UBR7: variants seen among roughly 807,000 people sequenced by gnomAD.
The protein encoded by UBR7 is putative E3 ubiquitin-protein ligase UBR7.
UBR7 carries 22 observed loss-of-function variants against 57.0 expected under a neutral mutation model. The ratio of observed to expected loss-of-function variants is 0.39; its 90% CI spans 0.28 to 0.55. The LOEUF (loss-of-function observed/expected upper bound fraction) is 0.55. Ranked by LOEUF, UBR7 falls within the 20% of genes least tolerant of loss-of-function variation. The pLI is 0.69. For missense variants in UBR7, 395 were observed against 513.2 expected (o/e 0.77, Z 2.23); for synonymous variants, 167 against 179.8 (o/e 0.93, Z 0.57).
intron 1 of UBR7, among the ~76,000 whole-genome samples, chr14:93,208,942 C>T (rs1206169867): frequency 7.9e-5 from 12 of 152,038 alleles, no homozygotes; most frequent in South Asian, 2.1e-4. Flanking sequence ...GGATAACAGG[C>T]GCCCGCCATC....
intron 10 of UBR7, among the ~76,000 whole-genome samples, chr14:93,223,429 G>A (rs75647328): frequency 0.023 from 3,447 of 151,282 alleles, 152 homozygotes; most frequent in African/African-American, 0.08. Flanking sequence ...TGGGCATGGC[G>A]GCTTGTACCT....
intron 1 of UBR7, among the ~76,000 whole-genome samples, chr14:93,208,346 A>C (rs1056299263): frequency 6.6e-6 from 1 of 152,028 alleles, no homozygotes; most frequent in Non-Finnish European, 1.5e-5. Flanking sequence ...CTCGTTGTTG[A>C]CCAAGGTTAG....
intron 7 of UBR7, 58 bp from the exon 8 acceptor site, chr14:93,219,154 A>G (rs1460217198): frequency 6.3e-7 from 1 of 1,578,044 alleles, no homozygotes; most frequent in Non-Finnish European, 8.7e-7. Context: ...TACAAAATCT[A>G]AACTATGAAA....
chr14:93,210,770 G>T (rs1299537691), intron 3 of UBR7, 62 bp downstream of exon 3: 1 of 1,420,110 alleles, frequency 7.0e-7, no homozygotes, highest in Non-Finnish European at 9.8e-7. Context: ...TTGCCAGAGT[G>T]GGTAAAAAAA....
chr14:93,217,208 G>A (rs926327826), intron 6 of UBR7, among the ~76,000 whole-genome samples: 4 of 151,462 alleles, frequency 2.6e-5, no homozygotes, highest in Non-Finnish European at 5.9e-5. Flanking sequence ...TCTATTTTTA[G>A]TAGAGAAGGG....
In UBR7 at chr14:93,222,201, T is replaced by A. The variant is rs1894723084; in HGVS notation, c.1124-112T>A. The A allele has an allele frequency of 3.9e-6, 3 of 770,308 alleles. No homozygotes were observed. In the African/African-American group the frequency reaches 5.2e-5, roughly 13 times the overall value. 47.7% of individuals were successfully genotyped at this position (770,308 alleles called of 1,614,324 possible). ...TCTATGCAGCTTTCACTTAAGAAAA[T>A]TTTTATTTAGACTACATTATTAACA... On this transcript the variant is annotated intron_variant, in intron 9 of 10. Transcript: ENST00000013070.
intron 1 of UBR7, among the ~76,000 whole-genome samples, chr14:93,208,799 C>CT (rs1001766635): frequency 4.0e-5 from 6 of 151,502 alleles, no homozygotes; most frequent in Non-Finnish European, 7.4e-5. Context: ...TACATATTCA[C>CT]TTTTTTTTTC....
rs1377065843 is a variant in UBR7 at position 93,227,841 on chromosome 14, A to G, written c.*806A>G. ...TACTAGTCCCTTCTCTGCTGCCTAG[A>G]AAACAGACCGGGTCTCACCCCTGTG... On this transcript the variant is annotated 3_prime_UTR_variant, in exon 11 of 11. Transcript: ENST00000013070. 1 of 700,830 alleles carries G rather than the reference A, an allele frequency of 1.4e-6. No homozygotes were observed. The highest frequency in any genetic ancestry group is 1.5e-5 in the South Asian group (1 of 67,498). 43.4% of individuals were successfully genotyped at this position (700,830 alleles called of 1,614,324 possible).
intron 10 of UBR7, among the ~76,000 whole-genome samples, chr14:93,222,878 A>G (rs1894739164): frequency 6.6e-6 from 1 of 152,058 alleles, no homozygotes; most frequent in Non-Finnish European, 1.5e-5. Flanking sequence ...GTCCTTACCA[A>G]CCCCAGCTAA....
In UBR7 at chr14:93,228,213, A is replaced by C. The variant is rs1399949597; in HGVS notation, c.*1178A>C. ...TCTTTTTTTTGAAGATCCTCATGGA[A>C]GGTTGTACAGAGCCCCACATTTGAG... On this transcript the variant is annotated 3_prime_UTR_variant, in exon 11 of 11. Transcript: ENST00000013070. 4 of 497,878 alleles carry C rather than the reference A, an allele frequency of 8.0e-6. No homozygotes were observed. Among genetic ancestry groups the C allele is most frequent in the African/African-American group, 7.7e-5 (4 of 52,012 alleles). The allele number at this position is 497,878 out of a possible 1,614,324, so 30.8% of individuals were successfully genotyped here. A position where few individuals can be genotyped will look rare whatever the true frequency, so the allele number is the denominator to read the frequency against.
intron 10 of UBR7, 39 bp from the exon 11 acceptor site, chr14:93,226,904 A>C (rs1207600253): frequency 6.8e-7 from 1 of 1,463,698 alleles, no homozygotes. Flanking sequence ...CGATTCTGTT[A>C]CTTAGTTCTC....
chr14:93,216,049 T>TG (rs1894584137), intron 6 of UBR7, among the ~76,000 whole-genome samples: 1 of 152,168 alleles, frequency 6.6e-6, no homozygotes, highest in Non-Finnish European at 1.5e-5. Flanking sequence ...AGTCAGTGTT[T>TG]GGTTGAGGGC....
intron 10 of UBR7, among the ~76,000 whole-genome samples, chr14:93,226,274 C>T (rs1186083690): frequency 2.0e-5 from 3 of 152,184 alleles, no homozygotes; most frequent in Non-Finnish European, 4.4e-5. Flanking sequence ...CATTCACGTG[C>T]TCTATTTTTC....
Position 93,223,794 on chromosome 14 carries a change from C to G in UBR7, c.1185+1420C>G. 21 of 741,388 alleles carry G rather than the reference C, an allele frequency of 2.8e-5. 1 individual carries two copies. Among genetic ancestry groups the G allele is most frequent in the South Asian group, 2.8e-4 (20 of 71,270 alleles). The allele number at this position is 741,388 out of a possible 1,614,324, so 45.9% of individuals were successfully genotyped here. On this transcript the variant is annotated intron_variant, in intron 10 of 10. Coordinates refer to ENST00000013070, the MANE Select transcript of UBR7 (RefSeq NM_175748.4). ...GGGCCCAGGTGCGGTGCCAGGCGCC[C>G]ATAGACCTCTCGGTAGCACTGGGTA... is the stretch of plus-strand genomic sequence containing the variant.
chr14:93,226,464 G>A (rs1047450276), intron 10 of UBR7, among the ~76,000 whole-genome samples: 8 of 152,058 alleles, frequency 5.3e-5, no homozygotes, highest in Non-Finnish European at 1.0e-4. Context: ...GGATAATATA[G>A]TGAGACCTCG....
Position 93,209,977 on chromosome 14 carries a change from T to G in UBR7, c.284+20T>G, listed in dbSNP as rs1461391004. Reference sequence around the variant, plus strand: ...AAAAAGGTAAACATAGTCAAGAGATTGTTACTAAATGCTTTTGAAGTATAG... The same window carrying G: ...AAAAAGGTAAACATAGTCAAGAGATGGTTACTAAATGCTTTTGAAGTATAG... On this transcript the variant is annotated intron_variant, in intron 2 of 10. Coordinates refer to ENST00000013070, the MANE Select transcript of UBR7 (RefSeq NM_175748.4). 3 of 1,613,200 alleles carry G rather than the reference T, an allele frequency of 1.9e-6. No individual in the cohort carries two copies. Among genetic ancestry groups the G allele is most frequent in the Non-Finnish European group, 2.5e-6 (3 of 1,179,524 alleles).
At position 93,228,534 on chromosome 14, in the gene UBR7, A is replaced by C. The variant is rs1894918053; in HGVS notation, c.*1499A>C. Reference sequence around the variant, plus strand: ...GTCAAAGCCTCAAAGAAATGGCACAACCATGTTCTTCGGCACTCAGGCTCC... The same window carrying C: ...GTCAAAGCCTCAAAGAAATGGCACACCCATGTTCTTCGGCACTCAGGCTCC... On this transcript the variant is annotated 3_prime_UTR_variant, in exon 11 of 11. Transcript: ENST00000013070. 1 of 454,006 alleles carries C rather than the reference A, an allele frequency of 2.2e-6. No individual in the cohort carries two copies. Among genetic ancestry groups the C allele is most frequent in the Non-Finnish European group, 4.4e-6 (1 of 226,800 alleles). 28.1% of individuals were successfully genotyped at this position (454,006 alleles called of 1,614,324 possible).
Position 93,218,719 on chromosome 14 carries a change from C to A in UBR7, c.794C>A (p.Ser265Tyr), listed in dbSNP as rs1427358502. The A allele has an allele frequency of 5.0e-6, 8 of 1,613,450 alleles. No homozygotes were observed. Among genetic ancestry groups the A allele is most frequent in the Non-Finnish European group, 6.8e-6 (8 of 1,179,580 alleles). ...QNSEPCAGSS[S>Y]ESDLQTVFKN... ...AGTGAACCATGTGCCGGCTCTAGTT[C>A]TGAATCTGATCTCCAGGTAATGTGT... is the stretch of plus-strand genomic sequence containing the variant. The change falls in exon 7 of 11, where the codon TCT (serine) becomes TAT (tyrosine). Residue 265 changes from serine to tyrosine, a missense_variant. Transcript: ENST00000013070.
At chr14:93,217,351 C>A (rs1894611643) in intron 6 of UBR7, among the ~76,000 whole-genome samples, 1 of 152,062 alleles carries the variant, frequency 6.6e-6, no homozygotes, top group South Asian at 2.1e-4. Context: ...AAATTGATCT[C>A]CTGCCTCTCC....
Sources: gnomAD v4.1 joint callset for allele counts (sites outside exome capture counted in the v4.1 genomes callset) on GRCh38, gnomAD v4.1.1 for gene constraint, MANE v1.5 for transcripts, NCBI Gene and HGNC (gene_info 2026-07-23, HGNC 2026-07-21) for gene names.